The following CNTNAP2 variants were observed in gnomAD, a reference collection of about 807,000 sequenced individuals.
CNTNAP2 encodes contactin associated protein 2.
A neutral mutation model predicts 155.2 loss-of-function variants in CNTNAP2; 98 were observed. The observed-to-expected ratio is 0.63, with a 90% CI of 0.54 to 0.75. CNTNAP2 has a LOEUF of 0.75. Ranked by LOEUF, CNTNAP2 falls within the 30% of genes least tolerant of loss-of-function variation. The pLI is 0.00. For missense variants in CNTNAP2, 1,727 were observed against 1,688.1 expected, an observed-to-expected ratio of 1.02 and a Z score of -0.40; for synonymous variants, 651 against 631.2, an observed-to-expected ratio of 1.03 and a Z score of -0.47.
intron 22 of CNTNAP2, among the ~76,000 whole-genome samples, chr7:148,385,965 G>A (rs2116664616): frequency 6.6e-6 from 1 of 152,162 alleles, no homozygotes; most frequent in African/African-American, 2.4e-5. Context: ...CTAACCTCAG[G>A]TGATCCACCC....
chr7:146,933,657 C>CA (rs1340187256), intron 3 of CNTNAP2, among the ~76,000 whole-genome samples: 2 of 147,806 alleles, frequency 1.4e-5, no homozygotes, highest in East Asian at 3.9e-4. Flanking sequence ...AGGCAACCTA[C>CA]AAAATGGGAG....
At chr7:147,613,818 G>C (rs996159671) in intron 12 of CNTNAP2, among the ~76,000 whole-genome samples, 1 of 152,104 alleles carries the variant, frequency 6.6e-6, no homozygotes, top group African/African-American at 2.4e-5. Flanking sequence ...ACTCCAGCCT[G>C]GGCAACAGAG....
chr7:147,951,738 G>C (rs915583303), intron 14 of CNTNAP2, among the ~76,000 whole-genome samples: 3 of 151,616 alleles, frequency 2.0e-5, no homozygotes, highest in African/African-American at 7.3e-5. Context: ...TGGACACAGG[G>C]AGGGGAACAA....
intron 15 of CNTNAP2, chr7:148,014,276 T>TTA (rs1484983580): frequency 8.4e-6 from 1 of 118,700 alleles, no homozygotes; most frequent in Non-Finnish European, 1.8e-5. Context: ...CAAGTAAACA[T>TTA]AAAAAAAAAA....
At chr7:146,864,410 G>T (rs1795162424) in intron 3 of CNTNAP2, among the ~76,000 whole-genome samples, 1 of 152,078 alleles carries the variant, frequency 6.6e-6, no homozygotes, top group Non-Finnish European at 1.5e-5. Context: ...TAACAAAAAT[G>T]GACTGGAAGG....
intron 3 of CNTNAP2, among the ~76,000 whole-genome samples, chr7:147,034,914 T>C (rs945540568): frequency 1.3e-5 from 2 of 152,146 alleles, no homozygotes; most frequent in Non-Finnish European, 2.9e-5. Context: ...TCTTAGAAAA[T>C]GCAACATTTG....
chr7:147,310,238 T>C (rs1269127787), intron 9 of CNTNAP2, among the ~76,000 whole-genome samples: 2 of 152,146 alleles, frequency 1.3e-5, no homozygotes, highest in Non-Finnish European at 2.9e-5. Flanking sequence ...CTGGCTTGCA[T>C]TGGAAATACT....
In CNTNAP2 at chr7:148,131,581, G is replaced by A. The variant is rs574561090; in HGVS notation, c.2554+13293G>A. Among the ~76,000 whole-genome samples, 53 of 152,198 alleles carry A rather than the reference G, an allele frequency of 3.5e-4. 1 individual carries two copies. The highest frequency in any genetic ancestry group is 2.2e-3 in the Admixed American group (34 of 15,282). ...TGAATTCACACATTCTGAGACAGACGGAAGAAAGATATGCTATTATTGCTG... is the reference window on the plus strand; with the variant it reads ...TGAATTCACACATTCTGAGACAGACAGAAGAAAGATATGCTATTATTGCTG... On this transcript the variant is annotated intron_variant, in intron 16 of 23. Transcript: ENST00000361727.
At chr7:147,863,420 T>C (rs1305888277) in intron 13 of CNTNAP2, among the ~76,000 whole-genome samples, 1 of 152,178 alleles carries the variant, frequency 6.6e-6, no homozygotes, top group African/African-American at 2.4e-5. Context: ...AGGAGCATGA[T>C]TTATAATCCT....
At position 148,137,674 on chromosome 7, in the gene CNTNAP2, AAGG is replaced by A. The variant is rs1169402158; in HGVS notation, c.2555-9815_2555-9813del. Among the ~76,000 whole-genome samples, 289 of 35,324 alleles carry A rather than the reference AAGG, an allele frequency of 8.2e-3. 1 individual carries two copies. The highest frequency in any genetic ancestry group is 0.012 in the Non-Finnish European group (209 of 17,032). 23.2% of individuals were successfully genotyped at this position (35,324 alleles called of 152,430 possible). On this transcript the variant is annotated intron_variant, in intron 16 of 23. Transcript: ENST00000361727. ...AAAAGTCTATCTCAGAAAAAAAAGGAAGGAAGGAAGGAAGGAAGGAAGGAAGGA... is the reference window on the plus strand; with the variant it reads ...AAAAGTCTATCTCAGAAAAAAAAGGAAAGGAAGGAAGGAAGGAAGGAAGGA...
chr7:148,014,797 C>T (rs1802146180), intron 15 of CNTNAP2, among the ~76,000 whole-genome samples: 1 of 152,202 alleles, frequency 6.6e-6, no homozygotes, highest in South Asian at 2.1e-4. Context: ...GGAAAGCAAG[C>T]AATCCAGCGG....
chr7:148,371,911 TA>T (rs1248769688), intron 21 of CNTNAP2, among the ~76,000 whole-genome samples: 1 of 151,194 alleles, frequency 6.6e-6, no homozygotes, highest in African/African-American at 2.4e-5. Flanking sequence ...ATATAAAAGA[TA>T]AAAATTGGCT....
At chr7:147,649,183 A>G (rs1465500628) in intron 13 of CNTNAP2, among the ~76,000 whole-genome samples, 1 of 152,118 alleles carries the variant, frequency 6.6e-6, no homozygotes, top group African/African-American at 2.4e-5. Context: ...CTTTGAGGTG[A>G]GACTTTGATT....
At chr7:148,151,519 C>A (rs1805295656) in intron 17 of CNTNAP2, among the ~76,000 whole-genome samples, 1 of 152,140 alleles carries the variant, frequency 6.6e-6, no homozygotes, top group South Asian at 2.1e-4. Context: ...TGGTCTCAGA[C>A]CCCTGACCTC....
intron 16 of CNTNAP2, among the ~76,000 whole-genome samples, chr7:148,139,166 C>T (rs1456010583): frequency 6.6e-6 from 1 of 152,138 alleles, no homozygotes; most frequent in Admixed American, 6.5e-5. Flanking sequence ...AACATTGATT[C>T]CTAAGCTCCA....
At chr7:148,159,900 T>G (rs964855070) in intron 17 of CNTNAP2, among the ~76,000 whole-genome samples, 2 of 152,240 alleles carry the variant, frequency 1.3e-5, no homozygotes, top group African/African-American at 4.8e-5. Flanking sequence ...TCTTTGTTCC[T>G]TATGACATTT....
At chr7:148,066,229 C>T (rs1156687435) in intron 15 of CNTNAP2, among the ~76,000 whole-genome samples, 1 of 152,146 alleles carries the variant, frequency 6.6e-6, no homozygotes, top group Non-Finnish European at 1.5e-5. Context: ...TTTCCTTTGT[C>T]TTGACTTTAG....
intron 1 of CNTNAP2, among the ~76,000 whole-genome samples, chr7:146,753,562 A>G (rs948682896): frequency 1.3e-5 from 2 of 152,070 alleles, no homozygotes; most frequent in Non-Finnish European, 2.9e-5. Context: ...TCTATACTCA[A>G]TTGTATGCAA....
At chr7:147,977,667 C>T (rs1283276157) in intron 14 of CNTNAP2, among the ~76,000 whole-genome samples, 195 bp from the exon 15 acceptor site, 1 of 152,090 alleles carries the variant, frequency 6.6e-6, no homozygotes, top group Non-Finnish European at 1.5e-5. Flanking sequence ...GATGAAGATG[C>T]CAGAAGGGCT....
Sources: gnomAD v4.1 joint callset for allele counts (sites outside exome capture counted in the v4.1 genomes callset) on GRCh38, gnomAD v4.1.1 for gene constraint, MANE v1.5 for transcripts, NCBI Gene and HGNC (gene_info 2026-07-23, HGNC 2026-07-21) for gene names.